Variants in ANK1 observed in about 807,000 individuals in gnomAD.
The protein encoded by ANK1 is ankyrin 1.
Under a neutral mutation model 210.4 loss-of-function variants are expected in ANK1, and 51 were observed. The observed-to-expected ratio is 0.24, with a 90% CI of 0.19 to 0.31. The LOEUF (loss-of-function observed/expected upper bound fraction) is 0.31. ANK1 is among the 10% of genes least tolerant of loss of function. The pLI is 1.00. For missense variants in ANK1, 2,051 were observed against 2,504.4 expected (o/e 0.82, Z 3.86); for synonymous variants, 967 against 1,025.9 (o/e 0.94, Z 1.10).
At chr8:41,735,939 C>A (rs1046446429) in intron 2 of ANK1, among the ~76,000 whole-genome samples, 4 of 124,526 alleles carry the variant, frequency 3.2e-5, no homozygotes, top group Non-Finnish European at 6.6e-5. Flanking sequence ...GCACAGCCAG[C>A]CTTGCCAGGG....
intron 1 of ANK1, among the ~76,000 whole-genome samples, chr8:41,880,432 AT>A (rs1394413614): frequency 6.6e-6 from 1 of 152,054 alleles, no homozygotes; most frequent in African/African-American, 2.4e-5. Context: ...TCCAGGAGTG[AT>A]TTTTTTCTTC....
intron 1 of ANK1, among the ~76,000 whole-genome samples, chr8:41,770,866 C>T (rs1842840707): frequency 6.6e-6 from 1 of 152,218 alleles, no homozygotes; most frequent in Admixed American, 6.5e-5. Context: ...GCCTGGAATG[C>T]CACATTGGAG....
At chr8:41,839,974 A>G (rs1386136582) in intron 1 of ANK1, 1 of 152,162 alleles carries the variant, frequency 6.6e-6, no homozygotes, top group Non-Finnish European at 1.5e-5. Flanking sequence ...CATGGGGCTT[A>G]TGGGAGCTCT....
chr8:41,734,675 T>G (rs1248573698), intron 2 of ANK1, among the ~76,000 whole-genome samples: 1 of 151,738 alleles, frequency 6.6e-6, no homozygotes, highest in Admixed American at 6.6e-5. Flanking sequence ...GCTGGTTGCT[T>G]GAGCCCAGGA....
chr8:41,700,864 G>A (rs1303278510), intron 22 of ANK1, among the ~76,000 whole-genome samples: 2 of 152,138 alleles, frequency 1.3e-5, no homozygotes, highest in Non-Finnish European at 2.9e-5. Flanking sequence ...CTGGACTCAA[G>A]CAATCCTCCC....
At chr8:41,684,768 G>T (rs1817218941) in intron 36 of ANK1, 78 bp from the exon 37 acceptor site, 2 of 1,533,268 alleles carry the variant, frequency 1.3e-6, no homozygotes, top group African/African-American at 1.4e-5. Context: ...ATGGGGCCAG[G>T]ATGAAGATGG....
chr8:41,885,751 T>C (rs1818348871), intron 1 of ANK1, among the ~76,000 whole-genome samples: 2 of 152,218 alleles, frequency 1.3e-5, no homozygotes, highest in African/African-American at 2.4e-5. Flanking sequence ...GGCATTACAA[T>C]GAACTGGCCA....
At chr8:41,686,433 T>C in intron 35 of ANK1, 150 bp from the exon 36 acceptor site, 2 of 925,966 alleles carry the variant, frequency 2.2e-6, no homozygotes, top group Non-Finnish European at 3.4e-6. Context: ...GGGTTTGGTC[T>C]TCCTTCTTAT....
chr8:41,895,136 ACT>A (rs1039277250), intron 1 of ANK1, among the ~76,000 whole-genome samples: 4 of 151,698 alleles, frequency 2.6e-5, no homozygotes, highest in African/African-American at 9.7e-5. Context: ...GCTCCCCAAC[ACT>A]CTGCTGTCAG....
chr8:41,862,873 G>A (rs1813563229), intron 1 of ANK1, among the ~76,000 whole-genome samples: 1 of 151,982 alleles, frequency 6.6e-6, no homozygotes, highest in African/African-American at 2.4e-5. Context: ...AATTGGCTGG[G>A]TGGTGGCATG....
At chr8:41,744,771 G>A (rs536132290) in intron 2 of ANK1, among the ~76,000 whole-genome samples, 101 of 152,196 alleles carry the variant, frequency 6.6e-4, no homozygotes, top group South Asian at 2.1e-3. Context: ...TCCTGACCTC[G>A]TGATCTGCCC....
intron 37 of ANK1, among the ~76,000 whole-genome samples, chr8:41,683,609 C>T (rs1049664285): frequency 2.0e-5 from 3 of 152,204 alleles, no homozygotes; most frequent in Admixed American, 2.0e-4. Flanking sequence ...GAGGAAGCCA[C>T]GTCACAGACA....
rs1382031439 is a variant in ANK1, at chr8:41,727,981, G to C, written c.254C>G (p.Ala85Gly). Residue 85 changes from alanine to glycine, a missense_variant, in exon 4 of 43, where the codon GCT becomes GGT. Ala to Gly is a moderately conservative substitution (Grantham distance 60). Coordinates refer to ENST00000289734, the MANE Select transcript of ANK1 (RefSeq NM_000037.4). ...CACCTCATCCTGCCCGGCTAGAGCA[G>C]CGATGTGCAGGGCCGTGTTCCCCTT... ...TKKGNTALHI[A>G]ALAGQDEVVR... 6.2e-7 allele frequency: 1 copy of C among 1,614,184 alleles called. No individual in the cohort carries two copies. The highest frequency in any genetic ancestry group is 1.3e-5 in the African/African-American group (1 of 75,056).
chr8:41,817,953 G>C (rs1008233237), intron 1 of ANK1, among the ~76,000 whole-genome samples: 27 of 152,360 alleles, frequency 1.8e-4, no homozygotes, highest in Non-Finnish European at 2.6e-4. Flanking sequence ...TGGTGTGCCA[G>C]CTGCCAATGG....
intron 3 of ANK1, among the ~76,000 whole-genome samples, chr8:41,728,874 C>G (rs115174833): frequency 0.015 from 2,218 of 152,350 alleles, 50 homozygotes; most frequent in African/African-American, 0.05. Context: ...GAAGGCTTGT[C>G]AGCGAGCTGG....
chr8:41,658,057 C>CT (rs780731040), intron 42 of ANK1, among the ~76,000 whole-genome samples: 5 of 152,086 alleles, frequency 3.3e-5, no homozygotes, highest in Admixed American at 1.3e-4. Context: ...AATTTTTAAA[C>CT]TTTTTTTGTA....
At chr8:41,832,977 A>G (rs1458049804) in intron 1 of ANK1, among the ~76,000 whole-genome samples, 1 of 152,196 alleles carries the variant, frequency 6.6e-6, no homozygotes, top group Non-Finnish European at 1.5e-5. Flanking sequence ...CAAACTCTCA[A>G]GACACCTGCC....
intron 1 of ANK1, among the ~76,000 whole-genome samples, chr8:41,888,890 C>T (rs533720596): frequency 1.3e-5 from 2 of 152,334 alleles, no homozygotes; most frequent in South Asian, 2.1e-4. Context: ...CCACTGGAAC[C>T]GGAGGCCACA....
chr8:41,722,870 G>C (rs1429183636), intron 9 of ANK1, among the ~76,000 whole-genome samples: 2 of 152,186 alleles, frequency 1.3e-5, no homozygotes, highest in African/African-American at 4.8e-5. Flanking sequence ...CATTGCAACA[G>C]GGACCACGGC....
Sources: gnomAD v4.1 joint callset for allele counts (sites outside exome capture counted in the v4.1 genomes callset) on GRCh38, gnomAD v4.1.1 for gene constraint, MANE v1.5 for transcripts, NCBI Gene and HGNC (gene_info 2026-07-23, HGNC 2026-07-21) for gene names.